LRRC75A: variants seen among roughly 807,000 people sequenced by gnomAD.
LRRC75A encodes leucine-rich repeat-containing protein 75A.
LRRC75A carries 12 observed loss-of-function variants against 26.0 expected under a neutral mutation model. That is an observed-to-expected ratio of 0.46 (90% CI 0.30 to 0.75). The LOEUF is 0.75. Ranked by LOEUF, LRRC75A falls within the 30% of genes least tolerant of loss-of-function variation. The pLI is 0.08. For missense variants in LRRC75A, 410 were observed against 486.6 expected (o/e 0.84, Z 1.48); for synonymous variants, 223 against 219.3 (o/e 1.02, Z -0.15).
At chr17:16,475,586 C>A (rs1209641568) in intron 1 of LRRC75A, among the ~76,000 whole-genome samples, 1 of 152,180 alleles carries the variant, frequency 6.6e-6, no homozygotes, top group Non-Finnish European at 1.5e-5. Context: ...CAGAGTCTCT[C>A]TGTCACCCAG....
At chr17:16,473,613 A>G (rs1409498757) in intron 1 of LRRC75A, among the ~76,000 whole-genome samples, 1 of 152,018 alleles carries the variant, frequency 6.6e-6, no homozygotes, top group Non-Finnish European at 1.5e-5. Context: ...GAGCCAAGAA[A>G]CTGCTGGTGG....
In LRRC75A at chr17:16,443,041, G is replaced by A. The variant is rs1389856540; in HGVS notation, c.*547C>T. 1 of 153,112 alleles carries A rather than the reference G, an allele frequency of 6.5e-6. No individual in the cohort carries two copies. Among genetic ancestry groups the A allele is most frequent in the African/African-American group, 2.4e-5 (1 of 41,454 alleles). The allele number at this position is 153,112 out of a possible 1,614,324, so 9.5% of individuals were successfully genotyped here. On this transcript the variant is annotated 3_prime_UTR_variant, in exon 4 of 4. Transcript: ENST00000470794. ...CAGAAATAGGGCTGGGTCTCCATAAGGAGGTAGGCCACGTTCAGTCCACCC... is the reference window on the plus strand; with the variant it reads ...CAGAAATAGGGCTGGGTCTCCATAAAGAGGTAGGCCACGTTCAGTCCACCC...
chr17:16,444,253 T>G (rs4438345), intron 3 of LRRC75A, 122 bp from the exon 4 acceptor site: 293,391 of 789,898 alleles, frequency 0.37, 56,845 homozygotes, highest in African/African-American at 0.48. Flanking sequence ...AACACTTGGA[T>G]GTCGGATGCC....
At chr17:16,457,740 G>A (rs889944078) in intron 2 of LRRC75A, among the ~76,000 whole-genome samples, 10 of 151,894 alleles carry the variant, frequency 6.6e-5, no homozygotes, top group African/African-American at 2.4e-4. Context: ...CCAAGGGAGG[G>A]GGATTGCTTG....
chr17:16,444,167 T>A (rs747760848), intron 3 of LRRC75A, 36 bp from the exon 4 acceptor site: 2 of 1,522,088 alleles, frequency 1.3e-6, no homozygotes, highest in East Asian at 2.3e-5. Context: ...CTCAGGCACA[T>A]AGGGCAGGCC....
rs2093858961 is a variant in LRRC75A, at chr17:16,492,117, G to T, written c.-127C>A. The T allele has an allele frequency of 2.5e-6, 2 of 813,518 alleles. No individual in the cohort carries two copies. Among genetic ancestry groups the T allele is most frequent in the Non-Finnish European group, 3.0e-6 (2 of 667,730 alleles). The allele number at this position is 813,518 out of a possible 1,614,324, so 50.4% of individuals were successfully genotyped here. A position where few individuals can be genotyped will look rare whatever the true frequency, so the allele number is the denominator to read the frequency against. ...CAACTTTGGGGGAACTGTTGCGCGC[G>T]GGCGTCGCGGGGGCGGGCGGGCGGG... On this transcript the variant is annotated 5_prime_UTR_variant, in exon 1 of 4. Transcript: ENST00000470794.
intron 1 of LRRC75A, among the ~76,000 whole-genome samples, chr17:16,466,779 A>T (rs1450573933): frequency 6.6e-6 from 1 of 152,174 alleles, no homozygotes; most frequent in Non-Finnish European, 1.5e-5. Context: ...CAATGGGAAG[A>T]GATGATGGGC....
chr17:16,460,397 T>C (rs2093718694), intron 2 of LRRC75A, among the ~76,000 whole-genome samples: 1 of 152,064 alleles, frequency 6.6e-6, no homozygotes, highest in Admixed American at 6.6e-5. Context: ...CTCCTGGCCT[T>C]GCCTGGTCCT....
Position 16,492,177 on chromosome 17 carries a change from G to A in LRRC75A, c.-187C>T. The A allele has an allele frequency of 3.2e-6, 1 of 316,068 alleles. No individual in the cohort carries two copies. The highest frequency in any genetic ancestry group is 4.5e-6 in the Non-Finnish European group (1 of 220,608). 19.6% of individuals were successfully genotyped at this position (316,068 alleles called of 1,614,324 possible). A position where few individuals can be genotyped will look rare whatever the true frequency, so the allele number is the denominator to read the frequency against. On this transcript the variant is annotated 5_prime_UTR_variant, in exon 1 of 4. Transcript: ENST00000470794. ...GCGCTCCCCGCGCTCCTCCCTCTTG[G>A]CTACCCGGGCGCGCTCCCCGGGCGC...
Position 16,477,493 on chromosome 17 carries a change from T to C in LRRC75A, c.246+14252A>G, listed in dbSNP as rs376919476. On this transcript the variant is annotated intron_variant, in intron 1 of 3. Coordinates refer to ENST00000470794, the MANE Select transcript of LRRC75A (RefSeq NM_001113567.3). The stretch of plus-strand genomic sequence containing the variant: ...GGCAGGAAGGGGAGACCAGGCGGGA[T>C]AGAGGAGGAGGGCCGTAGGATCCAC... Among the ~76,000 whole-genome samples, 115 of 152,268 alleles carry C rather than the reference T, an allele frequency of 7.6e-4. 1 individual carries two copies. The highest frequency in any genetic ancestry group is 6.8e-3 in the Middle Eastern group (2 of 294).
intron 1 of LRRC75A, among the ~76,000 whole-genome samples, chr17:16,488,750 C>G (rs1228562893): frequency 6.6e-6 from 1 of 152,190 alleles, no homozygotes; most frequent in South Asian, 2.1e-4. Flanking sequence ...CCTGCCTGCA[C>G]CCCTGGCCAC....
rs2093539021 is a variant in LRRC75A at position 16,442,475 on chromosome 17, T to G, written c.*1113A>C. 1 of 152,196 alleles carries G rather than the reference T, an allele frequency of 6.6e-6. No individual in the cohort carries two copies. The highest frequency in any genetic ancestry group is 2.1e-4 in the South Asian group (1 of 4,818). 9.4% of individuals were successfully genotyped at this position (152,196 alleles called of 1,614,324 possible). A position where few individuals can be genotyped will look rare whatever the true frequency, so the allele number is the denominator to read the frequency against. On this transcript the variant is annotated 3_prime_UTR_variant, in exon 4 of 4. Transcript: ENST00000470794. ...TGCCTGTTATTTAGAAGAGATCCCT[T>G]AACTGGTAGGGCCCTTTCAGTAGGA...
intron 2 of LRRC75A, among the ~76,000 whole-genome samples, chr17:16,452,372 A>G (rs2093639881): frequency 6.6e-6 from 1 of 150,456 alleles, no homozygotes; most frequent in Admixed American, 6.6e-5. Context: ...ACCAAACAAC[A>G]ACAAAATAAC....
chr17:16,477,867 C>T (rs2093824796), intron 1 of LRRC75A, among the ~76,000 whole-genome samples: 1 of 152,008 alleles, frequency 6.6e-6, no homozygotes, highest in Admixed American at 6.6e-5. Flanking sequence ...GGGGCCTATA[C>T]CTGGTTTCTC....
intron 2 of LRRC75A, among the ~76,000 whole-genome samples, chr17:16,455,262 G>A (rs2093667813): frequency 6.6e-6 from 1 of 152,030 alleles, no homozygotes; most frequent in Non-Finnish European, 1.5e-5. Context: ...AAGCTCCCAT[G>A]TTGCGTAAAA....
Position 16,491,914 on chromosome 17 carries a change from C to G in LRRC75A, c.77G>C (p.Arg26Pro). Residue 26 changes from arginine (R) to proline (P), a missense_variant, in exon 1 of 4, where the codon CGG (arginine) becomes CCG (proline). By Grantham distance (103) the Arg-to-Pro change is moderately radical (BLOSUM62 -2). Transcript: ENST00000470794. The surrounding 1 kb of genome is among the most constrained non-coding windows in gnomAD (Gnocchi z 5.9). ...CAGCAGCGACGCCCAGAAGTCCGGC[C>G]GTTCGCGTCGGGGGCCCGGCGCGGC... Reference protein sequence around the residue: ...PGAAPGPRRERPDFWASLLLR... With the variant: ...PGAAPGPRREPPDFWASLLLR... 1 of 1,270,922 alleles carries G rather than the reference C, an allele frequency of 7.9e-7. No homozygotes were observed. Among genetic ancestry groups the G allele is most frequent in the Non-Finnish European group, 9.9e-7 (1 of 1,011,246 alleles). 78.7% of individuals were successfully genotyped at this position (1,270,922 alleles called of 1,614,324 possible). A position where few individuals can be genotyped will look rare whatever the true frequency, so the allele number is the denominator to read the frequency against.
intron 1 of LRRC75A, among the ~76,000 whole-genome samples, chr17:16,475,021 A>G (rs988182726): frequency 6.6e-6 from 1 of 151,678 alleles, no homozygotes; most frequent in Non-Finnish European, 1.5e-5. Flanking sequence ...AGAGAGAAAC[A>G]TTTGGTTCAT....
chr17:16,479,901 C>A (rs57958413), intron 1 of LRRC75A, among the ~76,000 whole-genome samples: 12,909 of 152,266 alleles, frequency 0.085, 1,811 homozygotes, highest in African/African-American at 0.29. Flanking sequence ...AAGCCACAGA[C>A]CAGTACCAGT....
chr17:16,484,208 C>T (rs1338719324), intron 1 of LRRC75A, among the ~76,000 whole-genome samples: 2 of 151,978 alleles, frequency 1.3e-5, no homozygotes, highest in African/African-American at 2.4e-5. Flanking sequence ...TGGTGGTGTG[C>T]GCATATAATC....
Sources: allele counts gnomAD v4.1 joint callset (sites outside exome capture counted in the v4.1 genomes callset), GRCh38; gene constraint gnomAD v4.1.1; non-coding constraint Gnocchi (gnomAD v3.1); transcripts MANE v1.5; gene names NCBI Gene and HGNC (gene_info 2026-07-23, HGNC 2026-07-21).